WWOX: variants seen among roughly 807,000 people sequenced by gnomAD.
The protein encoded by WWOX is WW domain-containing oxidoreductase.
A neutral mutation model predicts 46.2 loss-of-function variants in WWOX; 69 were observed. The observed-to-expected ratio is 1.49, with a 90% confidence interval of 1.23 to 1.82. The LOEUF is 1.82. Among genes scored for constraint, WWOX ranks in the 40% most tolerant of loss-of-function variants. The pLI is 0.00. For missense variants in WWOX, 919 were observed against 542.6 expected (o/e 1.69, Z -6.89); for synonymous variants, 359 against 202.6 (o/e 1.77, Z -6.56).
At chr16:78,557,264 C>G (rs1241103782) in intron 8 of WWOX, among the ~76,000 whole-genome samples, 1 of 152,134 alleles carries the variant, frequency 6.6e-6, no homozygotes, top group Admixed American at 6.5e-5. Context: ...TTCTACCTAT[C>G]TATGATCACA....
chr16:78,666,595 G>A (rs942514876), intron 8 of WWOX, among the ~76,000 whole-genome samples: 1 of 152,144 alleles, frequency 6.6e-6, no homozygotes, highest in Non-Finnish European at 1.5e-5. Flanking sequence ...TCCTTCAGTC[G>A]CATGTGGGCC....
At chr16:78,258,188 T>G (rs1215326924) in intron 5 of WWOX, among the ~76,000 whole-genome samples, 1 of 152,204 alleles carries the variant, frequency 6.6e-6, no homozygotes, top group African/African-American at 2.4e-5. Context: ...AAAAATCATA[T>G]TAGCCACTTG....
intron 8 of WWOX, among the ~76,000 whole-genome samples, chr16:78,995,028 A>G (rs2046962310): frequency 7.2e-6 from 1 of 139,346 alleles, no homozygotes. Flanking sequence ...ATTATGCACA[A>G]TGCGCTGAGA....
chr16:78,128,655 T>G (rs2033458686), intron 4 of WWOX, among the ~76,000 whole-genome samples: 1 of 152,224 alleles, frequency 6.6e-6, no homozygotes. Context: ...GAAACTCTTT[T>G]TCCTGGTGAT....
chr16:78,731,841 TTCTC>T (rs1318309111), intron 8 of WWOX, among the ~76,000 whole-genome samples: 13 of 130,362 alleles, frequency 1.0e-4, no homozygotes, highest in African/African-American at 3.1e-4. Context: ...TTTTTTTTCT[TTCTC>T]TTTTTTTTTT....
chr16:78,615,471 C>T lies in WWOX; in HGVS notation c.1056+182719C>T, dbSNP rs74775294. Among the ~76,000 whole-genome samples, 75 of 152,042 alleles carry T rather than the reference C, an allele frequency of 4.9e-4. No homozygotes were observed. The East Asian group carries it at 8.9e-3, about 18-fold the overall frequency. ...CAAGACCAGGCTGGGCAGCATAGCA[C>T]GACCCATCTCTACTATAAATTTAAA... On this transcript the variant is annotated intron_variant, in intron 8 of 8. Coordinates refer to ENST00000566780, the MANE Select transcript of WWOX (RefSeq NM_016373.4).
At chr16:78,576,755 C>T (rs2044891003) in intron 8 of WWOX, among the ~76,000 whole-genome samples, 1 of 152,128 alleles carries the variant, frequency 6.6e-6, no homozygotes, top group Non-Finnish European at 1.5e-5. Context: ...TTCTTAAGCC[C>T]AGAAGATTCA....
intron 8 of WWOX, among the ~76,000 whole-genome samples, chr16:79,033,143 A>AAT (rs1053072102): frequency 3.3e-4 from 49 of 147,332 alleles, no homozygotes; most frequent in Non-Finnish European, 6.3e-4. Flanking sequence ...GTGTAGATGT[A>AAT]ATATATATAT....
intron 8 of WWOX, among the ~76,000 whole-genome samples, chr16:78,962,667 C>T (rs148991331): frequency 5.5e-4 from 83 of 152,228 alleles, no homozygotes; most frequent in South Asian, 2.5e-3. Context: ...ATCATTCCTA[C>T]GGTAAGGTGC....
intron 8 of WWOX, among the ~76,000 whole-genome samples, chr16:78,707,770 C>G (rs539340070): frequency 3.3e-5 from 5 of 151,912 alleles, no homozygotes; most frequent in African/African-American, 9.7e-5. Flanking sequence ...GTAGTCCCAG[C>G]TAGTTGGGAG....
chr16:78,409,072 A>G (rs964203439), intron 6 of WWOX, among the ~76,000 whole-genome samples: 1 of 152,224 alleles, frequency 6.6e-6, no homozygotes, highest in East Asian at 1.9e-4. Flanking sequence ...CTCCAAAAAC[A>G]GATGAGTGAG....
chr16:78,937,650 G>A (rs2045768871), intron 8 of WWOX, among the ~76,000 whole-genome samples: 1 of 148,400 alleles, frequency 6.7e-6, no homozygotes, highest in African/African-American at 2.5e-5. Context: ...TATGAGACAA[G>A]GTCTCACTCT....
chr16:78,444,993 G>A (rs1332405519), intron 8 of WWOX, among the ~76,000 whole-genome samples: 1 of 151,986 alleles, frequency 6.6e-6, no homozygotes, highest in African/African-American at 2.4e-5. Context: ...GTTCTTCTGT[G>A]TGTGTTTCGG....
In WWOX at chr16:78,939,931, C is replaced by T. The variant is rs185515178; in HGVS notation, c.1057-271677C>T. Among the ~76,000 whole-genome samples the T allele has an allele frequency of 2.7e-3, 410 of 152,278 alleles. 1 individual carries two copies. The highest frequency in any genetic ancestry group is 8.2e-3 in the African/African-American group (339 of 41,548). ...GTTGAAGGCCCAAGTTTACCCAATT[C>T]GACTGCCCCCACCCAGATAGAATAT... On this transcript the variant is annotated intron_variant, in intron 8 of 8. Coordinates refer to ENST00000566780, the MANE Select transcript of WWOX (RefSeq NM_016373.4).
chr16:78,679,001 C>T (rs1271303392), intron 8 of WWOX, among the ~76,000 whole-genome samples: 1 of 152,154 alleles, frequency 6.6e-6, no homozygotes, highest in Non-Finnish European at 1.5e-5. Context: ...ACCATATTGC[C>T]CCCAGTGGAG....
chr16:79,091,779 GTTTTTTTTT>G (rs11329411), intron 8 of WWOX, among the ~76,000 whole-genome samples: 1 of 109,130 alleles, frequency 9.2e-6, no homozygotes, highest in Non-Finnish European at 1.8e-5. Flanking sequence ...TCTTTTCTTT[GTTTTTTTTT>G]TTTTTTTTTT....
chr16:78,287,675 G>A (rs537079164), intron 5 of WWOX, among the ~76,000 whole-genome samples: 3 of 152,218 alleles, frequency 2.0e-5, no homozygotes, highest in Admixed American at 6.5e-5. Context: ...AGGAAAGGAC[G>A]GAGACCAGGC....
intron 8 of WWOX, among the ~76,000 whole-genome samples, chr16:78,982,790 C>G (rs1054986942): frequency 4.6e-5 from 7 of 152,180 alleles, no homozygotes; most frequent in Admixed American, 2.6e-4. Context: ...AGAATATTCT[C>G]TTCTAAAATA....
chr16:79,025,803 GC>G (rs1567495642), intron 8 of WWOX, among the ~76,000 whole-genome samples: 26 of 26,078 alleles, frequency 1.0e-3, no homozygotes, highest in African/African-American at 3.6e-3. Flanking sequence ...TTGCTTGCTT[GC>G]TTTTTTTTTT....
Sources: gnomAD v4.1 joint callset for allele counts (sites outside exome capture counted in the v4.1 genomes callset) on GRCh38, gnomAD v4.1.1 for gene constraint, MANE v1.5 for transcripts, NCBI Gene and HGNC (gene_info 2026-07-23, HGNC 2026-07-21) for gene names.